Variants in TBC1D19 observed in about 807,000 individuals in gnomAD.
The protein encoded by TBC1D19 is TBC1 domain family member 19.
TBC1D19 carries 60 observed loss-of-function variants against 89.0 expected under a neutral mutation model. The ratio of observed to expected loss-of-function variants is 0.67; its 90% CI spans 0.55 to 0.84. TBC1D19 has a LOEUF of 0.84. Among genes scored for constraint, TBC1D19 ranks in the 40% least tolerant of loss-of-function variants. TBC1D19 has a pLI of 0.00. For synonymous variants in TBC1D19, 189 were observed against 199.7 expected (o/e 0.95, Z 0.45); for missense variants, 500 against 610.8 (o/e 0.82, Z 1.91).
intron 17 of TBC1D19, chr4:26,740,649 T>C (rs542933181): frequency 2.3e-5 from 23 of 985,386 alleles, no homozygotes; most frequent in Non-Finnish European, 2.3e-5. Context: ...CCCATAAACC[T>C]GACTAAGAGC....
the TBC1D19 span, among the ~76,000 whole-genome samples, chr4:26,841,872 A>G: frequency 0.43 from 65,874 of 152,022 alleles, 15,066 homozygotes; most frequent in Middle Eastern, 0.67. Context: ...TCAATGTTCT[A>G]ATATTTACAT....
upstream of TBC1D19, among the ~76,000 whole-genome samples, chr4:26,583,032 T>C (rs536233524): frequency 9.9e-5 from 15 of 152,256 alleles, no homozygotes; most frequent in Non-Finnish European, 1.9e-4. Flanking sequence ...TACATTTGAT[T>C]GAATGAGATC....
At chr4:26,653,658 T>C (rs867963807) in intron 7 of TBC1D19, among the ~76,000 whole-genome samples, 4 of 152,124 alleles carry the variant, frequency 2.6e-5, no homozygotes, top group Admixed American at 6.6e-5. Flanking sequence ...GATCTTTGTT[T>C]GTTTAAAGTC....
the TBC1D19 span, among the ~76,000 whole-genome samples, chr4:26,818,184 T>G: frequency 2.6e-5 from 4 of 151,934 alleles, no homozygotes; most frequent in African/African-American, 9.7e-5. Context: ...GAACACATCT[T>G]CAAACGGTGT....
Position 26,720,098 on chromosome 4 carries a change from G to A in TBC1D19, c.1057G>A (p.Glu353Lys). The A allele has an allele frequency of 6.2e-7, 1 of 1,604,610 alleles. No individual in the cohort carries two copies. Among genetic ancestry groups the A allele is most frequent in the Non-Finnish European group, 8.5e-7 (1 of 1,175,228 alleles). ...TCTTATAGGAAAACTAGGACTGGAA[G>A]AATATGCTGTCTTTTACCCACCAAA... is the stretch of plus-strand genomic sequence containing the variant. Reference protein sequence around the residue: ...SYIRGKLGLEEYAVFYPPNGV... With the variant: ...SYIRGKLGLEKYAVFYPPNGV... Residue 353 changes from glutamate (E) to lysine (K), a missense_variant, in exon 15 of 21, where the codon GAA becomes AAA. Physicochemically the swap from Glu to Lys is moderately conservative, Grantham distance 56. Coordinates refer to ENST00000264866, the MANE Select transcript of TBC1D19 (RefSeq NM_018317.4).
chr4:26,812,713 T>C, the TBC1D19 span, among the ~76,000 whole-genome samples: 1 of 151,866 alleles, frequency 6.6e-6, no homozygotes. This position sits in a 1 kb window ranked among gnomAD's most constrained non-coding sequence, Gnocchi z 4.2. Flanking sequence ...ATTAATAATA[T>C]TTAAAGCTAT....
intron 7 of TBC1D19, among the ~76,000 whole-genome samples, chr4:26,655,840 C>A (rs1001308051): frequency 1.8e-4 from 28 of 152,314 alleles, no homozygotes; most frequent in African/African-American, 6.7e-4. Flanking sequence ...AATGCCTCGC[C>A]CTGCTTCAGC....
At chr4:26,740,073 A>G (rs1578006295) in intron 17 of TBC1D19, 100 bp downstream of exon 17, 1 of 661,110 alleles carries the variant, frequency 1.5e-6, no homozygotes, top group East Asian at 3.1e-5. Flanking sequence ...AACGCAACAA[A>G]TTTTAATTTG....
intron 1 of TBC1D19, among the ~76,000 whole-genome samples, chr4:26,596,000 G>A (rs919116596): frequency 9.9e-5 from 15 of 151,870 alleles, no homozygotes; most frequent in African/African-American, 3.1e-4. Flanking sequence ...TTTGTCGCCC[G>A]GGCTGGAGTG....
intron 13 of TBC1D19, among the ~76,000 whole-genome samples, chr4:26,705,888 G>C (rs1039623163): frequency 3.3e-5 from 5 of 151,864 alleles, no homozygotes; most frequent in Non-Finnish European, 5.9e-5. Flanking sequence ...TTTTTGTTTT[G>C]TTTTGTTTTG....
At chr4:26,708,397 C>G (rs4321621) in intron 13 of TBC1D19, among the ~76,000 whole-genome samples, 69,339 of 151,834 alleles carry the variant, frequency 0.46, 17,601 homozygotes, top group Admixed American at 0.6. Flanking sequence ...TCAAAGTTCT[C>G]TCTTTGCCTT....
rs149499012 is a variant in TBC1D19, at chr4:26,636,621, T to A, written c.295-590T>A. On this transcript the variant is annotated intron_variant, in intron 4 of 20. Transcript: ENST00000264866. Reference sequence around the variant, plus strand: ...AGATTTTAAAAAACTATAAAAGATATTTTGGAGACAACTGGAAAATTTGAG... The same window carrying A: ...AGATTTTAAAAAACTATAAAAGATAATTTGGAGACAACTGGAAAATTTGAG... Among the ~76,000 whole-genome samples, 13 of 151,996 alleles carry A rather than the reference T, an allele frequency of 8.6e-5. No homozygotes were observed. The East Asian group carries it at 2.5e-3, about 29-fold the overall frequency.
intron 15 of TBC1D19, among the ~76,000 whole-genome samples, chr4:26,731,314 C>T (rs1000151200): frequency 3.9e-5 from 6 of 152,092 alleles, no homozygotes; most frequent in African/African-American, 1.4e-4. Flanking sequence ...GTCTTGCACC[C>T]AGAGGCTGAA....
At chr4:26,740,809 T>G in intron 17 of TBC1D19, 1 of 985,384 alleles carries the variant, frequency 1.0e-6, no homozygotes, top group Non-Finnish European at 1.2e-6. Flanking sequence ...TGCTATGAAA[T>G]TAAATAGCTG....
intron 1 of TBC1D19, among the ~76,000 whole-genome samples, chr4:26,605,170 A>G (rs1226030800): frequency 6.7e-6 from 1 of 150,284 alleles, no homozygotes; most frequent in Non-Finnish European, 1.5e-5. Context: ...GTCATTTAGC[A>G]TTAGGTATAT....
chr4:26,795,432 T>C, the TBC1D19 span, among the ~76,000 whole-genome samples: 1 of 152,236 alleles, frequency 6.6e-6, no homozygotes, highest in African/African-American at 2.4e-5. Context: ...TTTACTCACT[T>C]ACTGTCTATC....
intron 13 of TBC1D19, among the ~76,000 whole-genome samples, chr4:26,698,483 G>C (rs1236010399): frequency 6.6e-6 from 1 of 152,154 alleles, no homozygotes; most frequent in Non-Finnish European, 1.5e-5. Context: ...AGCTACCACT[G>C]ACTTTCTTCA....
intron 1 of TBC1D19, among the ~76,000 whole-genome samples, chr4:26,600,233 A>G (rs758484684): frequency 3.3e-5 from 5 of 152,206 alleles, no homozygotes; most frequent in African/African-American, 9.6e-5. Flanking sequence ...TTGTTGTCCT[A>G]AGTCAAGAAC....
chr4:26,668,986 TACACACACACAC>T (rs3839171), intron 9 of TBC1D19, among the ~76,000 whole-genome samples: 5 of 147,016 alleles, frequency 3.4e-5, no homozygotes, highest in African/African-American at 5.0e-5. Flanking sequence ...TTTAAATACA[TACACACACACAC>T]ACACACACAC....
Sources: gnomAD v4.1 joint callset for allele counts (sites outside exome capture counted in the v4.1 genomes callset) on GRCh38, gnomAD v4.1.1 for gene constraint, Gnocchi (gnomAD v3.1) non-coding constraint, MANE v1.5 for transcripts, NCBI Gene and HGNC (gene_info 2026-07-23, HGNC 2026-07-21) for gene names.